Variants in KDM6A observed in about 807,000 individuals in gnomAD.
The protein encoded by KDM6A is lysine-specific demethylase 6A.
Under a neutral mutation model 117.6 loss-of-function variants are expected in KDM6A, and 11 were observed. The ratio of observed to expected loss-of-function variants is 0.09; its 90% confidence interval spans 0.06 to 0.15. KDM6A has a LOEUF of 0.15. Ranked by LOEUF, KDM6A falls within the 10% of genes least tolerant of loss-of-function variation. KDM6A has a pLI of 1.00. For missense variants in KDM6A, 799 were observed against 1,077.3 expected (o/e 0.74, Z 3.62); for synonymous variants, 384 against 396.1 (o/e 0.97, Z 0.36).
At chrX:44,968,970 CAAA>C (rs57829328) in intron 3 of KDM6A, among the ~76,000 whole-genome samples, 2,312 of 50,821 alleles carry the variant, frequency 0.045, 94 homozygotes, top group African/African-American at 0.12. Context: ...AACTCCATCT[CAAA>C]AAAAAAAAAA....
intron 27 of KDM6A, among the ~76,000 whole-genome samples, chrX:45,094,014 A>G (rs189706050): frequency 3.0e-4 from 34 of 111,568 alleles, no homozygotes; most frequent in Non-Finnish European, 6.2e-4. Context: ...CAGCTTGAGT[A>G]CCTATTGACA....
chrX:45,111,404 C>A lies in KDM6A; in HGVS notation c.4355C>A (p.Ser1452Ter). 1 of 1,197,903 alleles carries A rather than the reference C, an allele frequency of 8.3e-7. No individual in the cohort carries two copies. ...FTLAPPLPSA[S>*]S ...CAGGCTCCTCCATTACCATCCGCCT[C>A]ATCTTGATATTGTTCCATGGACATT... The change falls in exon 30 of 30, where the codon TCA (serine) becomes TAA (stop). Residue 1452 changes from serine to a stop codon, truncating the protein, a stop_gained. Transcript: ENST00000611820. LOFTEE classifies it high-confidence loss of function.
At chrX:45,034,015 G>C (rs754485764) in intron 6 of KDM6A, among the ~76,000 whole-genome samples, 1 of 110,709 alleles carries the variant, frequency 9.0e-6, no homozygotes, top group African/African-American at 3.3e-5. Flanking sequence ...TTTTTTTAAT[G>C]CTTTCCACTT....
In KDM6A at chrX:45,082,610, A is replaced by T. The variant is rs141303384; in HGVS notation, c.3335A>T (p.His1112Leu). ...ENEKRSHHKD[H>L]SDSESTSSDN... ...GAAAAAAGAAGTCATCATAAAGACC[A>T]CTCAGATAGTGAATCTACATCGTCA... is the stretch of plus-strand genomic sequence containing the variant. Residue 1112 changes from histidine (H) to leucine (L), a missense_variant, in exon 22 of 30, where the codon CAC (histidine) becomes CTC (leucine). Around this residue, in one of 8 missense-constraint regions of KDM6A, gnomAD observed 291 missense variants for 437.9 expected, o/e 0.66. Coordinates refer to ENST00000611820, the MANE Select transcript of KDM6A (RefSeq NM_001291415.2). 164 of 1,192,328 alleles carry T rather than the reference A, an allele frequency of 1.4e-4. No homozygotes were observed. In the African/African-American group the frequency reaches 2.8e-3, roughly 20 times the overall value.
chrX:45,005,256 T>C (rs1041377317), intron 4 of KDM6A, among the ~76,000 whole-genome samples: 5 of 110,122 alleles, frequency 4.5e-5, no homozygotes, highest in African/African-American at 1.7e-4. Context: ...TGGAATGGGA[T>C]CTGAGGAGGC....
intron 5 of KDM6A, among the ~76,000 whole-genome samples, chrX:45,019,003 C>A (rs1002343493): frequency 6.3e-5 from 7 of 111,681 alleles, no homozygotes; most frequent in Non-Finnish European, 1.1e-4. Flanking sequence ...ACTGCTATCA[C>A]CCCAGAAGCT....
chrX:44,950,645 A>C (rs2037944339), intron 2 of KDM6A, among the ~76,000 whole-genome samples: 1 of 110,606 alleles, frequency 9.0e-6, no homozygotes, highest in Non-Finnish European at 1.9e-5. Context: ...ATGTGGTTGC[A>C]TGCATCTGAG....
In KDM6A at chrX:45,063,498, C is replaced by T. The variant is rs2147991403; in HGVS notation, c.1760C>T (p.Thr587Ile). 2.5e-6 allele frequency: 3 copies of T among 1,210,827 alleles called. No homozygotes were observed. Among genetic ancestry groups the T allele is most frequent in the Non-Finnish European group, 3.4e-6 (3 of 895,066 alleles). ...CCAACAGCTGACTCATCACTGCCTA[C>T]AAACTCAGTCTCTGGCCAGCAGCCA... ...NGPTADSSLP[T>I]NSVSGQQPQL... The change falls in exon 17 of 30, where the codon ACA becomes ATA. Residue 587 changes from threonine to isoleucine, a missense_variant. Physicochemically the swap from Thr to Ile is moderately conservative, Grantham distance 89. Around this residue, in one of 8 missense-constraint regions of KDM6A, gnomAD observed 301 missense variants for 318.3 expected, o/e 0.95. Transcript: ENST00000611820.
chrX:44,890,873 C>G (rs750207013), intron 2 of KDM6A, among the ~76,000 whole-genome samples: 1 of 109,120 alleles, frequency 9.2e-6, no homozygotes, highest in East Asian at 2.9e-4. Context: ...CAGGCTGGCT[C>G]GAACTCCTGA....
chrX:44,956,202 A>T (rs2038314208), intron 2 of KDM6A, among the ~76,000 whole-genome samples: 1 of 111,808 alleles, frequency 8.9e-6, no homozygotes, highest in African/African-American at 3.3e-5. Context: ...CACATCCTTT[A>T]CCAAACTTGT....
At chrX:44,898,934 TGGTGGTGGG>T (rs1489563234) in intron 2 of KDM6A, among the ~76,000 whole-genome samples, 1 of 102,250 alleles carries the variant, frequency 9.8e-6, no homozygotes, top group Non-Finnish European at 2.0e-5. Context: ...TGCTTGGTGG[TGGTGGTGGG>T]GGGGTGTTAG....
Position 45,061,307 on chromosome X carries a change from A to T in KDM6A, c.1486-17A>T, listed in dbSNP as rs764565497. 14 of 1,015,628 alleles carry T rather than the reference A, an allele frequency of 1.4e-5. No individual in the cohort carries two copies. Among genetic ancestry groups the T allele is most frequent in the African/African-American group, 1.9e-5 (1 of 52,994 alleles). The allele number at this position is 1,015,628 out of a possible 1,213,427, so 83.7% of individuals were successfully genotyped here. A position where few individuals can be genotyped will look rare whatever the true frequency, so the allele number is the denominator to read the frequency against. On this transcript the variant is annotated splice_polypyrimidine_tract_variant and intron_variant, in intron 14 of 29. Coordinates refer to ENST00000611820, the MANE Select transcript of KDM6A (RefSeq NM_001291415.2). Reference sequence around the variant, plus strand: ...CCAAATATTCTTTAATTTTTTTTTTAAATCGATTTTCCTCAGAATACTTCT... The same window carrying T: ...CCAAATATTCTTTAATTTTTTTTTTTAATCGATTTTCCTCAGAATACTTCT...
intron 10 of KDM6A, among the ~76,000 whole-genome samples, 159 bp from the exon 11 acceptor site, chrX:45,058,847 T>C (rs963726900): frequency 9.0e-6 from 1 of 111,730 alleles, no homozygotes; most frequent in African/African-American, 3.3e-5. Context: ...ATATTCATTA[T>C]AGTTAACAAG....
At chrX:44,986,740 C>G (rs1468139744) in intron 4 of KDM6A, among the ~76,000 whole-genome samples, 1 of 111,697 alleles carries the variant, frequency 9.0e-6, no homozygotes, top group African/African-American at 3.3e-5. Flanking sequence ...TTTCTTAATC[C>G]TGAGTTCTAG....
intron 2 of KDM6A, among the ~76,000 whole-genome samples, chrX:44,904,586 G>A (rs934524421): frequency 1.8e-5 from 2 of 111,791 alleles, no homozygotes; most frequent in African/African-American, 3.3e-5. Flanking sequence ...TGGCCTTCAA[G>A]TAAAGGGATT....
At chrX:45,046,243 A>G (rs1294823532) in intron 8 of KDM6A, among the ~76,000 whole-genome samples, 1 of 111,838 alleles carries the variant, frequency 8.9e-6, no homozygotes, top group Non-Finnish European at 1.9e-5. Flanking sequence ...TTTAAATTCA[A>G]TACCCATTTC....
At chrX:44,958,817 T>C (rs2038512475) in intron 2 of KDM6A, among the ~76,000 whole-genome samples, 1 of 110,715 alleles carries the variant, frequency 9.0e-6, no homozygotes, top group African/African-American at 3.3e-5. Context: ...TGACTGGAGA[T>C]ATTTTTGCTT....
At chrX:45,071,805 T>C (rs1452654539) in intron 18 of KDM6A, among the ~76,000 whole-genome samples, 1 of 107,070 alleles carries the variant, frequency 9.3e-6, no homozygotes, top group African/African-American at 3.4e-5. Context: ...GTTTCGCTCT[T>C]GTTGCCCAGG....
At chrX:45,110,701 A>G (rs757602581) in intron 29 of KDM6A, among the ~76,000 whole-genome samples, 3 of 112,076 alleles carry the variant, frequency 2.7e-5, no homozygotes, top group African/African-American at 6.5e-5. Flanking sequence ...TCATGGGAGT[A>G]TTTAATGGAG....
Sources: gnomAD v4.1 joint callset for allele counts (sites outside exome capture counted in the v4.1 genomes callset) on GRCh38, gnomAD v4.1.1 for gene constraint, gnomAD v4.1.1 regional missense constraint, MANE v1.5 for transcripts, NCBI Gene and HGNC (gene_info 2026-07-23, HGNC 2026-07-21) for gene names.